MYO5B: variants seen among roughly 807,000 people sequenced by gnomAD.
MYO5B encodes myosin VB.
A neutral mutation model predicts 229.3 loss-of-function variants in MYO5B; 143 were observed. The ratio of observed to expected loss-of-function variants is 0.62; its 90% CI spans 0.54 to 0.72. MYO5B has a LOEUF of 0.72. Among genes scored for constraint, MYO5B ranks in the 30% least tolerant of loss-of-function variants. MYO5B has a pLI of 0.00. For missense variants in MYO5B, 2,321 were observed against 2,331.0 expected, an observed-to-expected ratio of 1.00 and a Z score of 0.09; for synonymous variants, 918 against 885.2, an observed-to-expected ratio of 1.04 and a Z score of -0.66.
At chr18:49,927,757 A>C (rs1210473660) in intron 17 of MYO5B, among the ~76,000 whole-genome samples, 1 of 152,260 alleles carries the variant, frequency 6.6e-6, no homozygotes, top group Non-Finnish European at 1.5e-5. Context: ...AGATGGATCA[A>C]AGACTTAAAT....
At chr18:50,142,517 T>G (rs2144288586) in intron 1 of MYO5B, among the ~76,000 whole-genome samples, 1 of 152,302 alleles carries the variant, frequency 6.6e-6, no homozygotes, top group East Asian at 1.9e-4. Flanking sequence ...CTGAAGGGGA[T>G]CTGATTGGGA....
intron 4 of MYO5B, among the ~76,000 whole-genome samples, chr18:50,002,367 T>C (rs116719539): frequency 5.7e-4 from 86 of 152,142 alleles, no homozygotes; most frequent in African/African-American, 1.9e-3. Flanking sequence ...CTACATCAGA[T>C]AGAAACACCT....
At chr18:50,070,367 A>G (rs573669774) in intron 1 of MYO5B, among the ~76,000 whole-genome samples, 1 of 151,202 alleles carries the variant, frequency 6.6e-6, no homozygotes, top group African/African-American at 2.4e-5. Flanking sequence ...ATTTGTTCCC[A>G]CTCCAACTGA....
chr18:49,942,063 C>T (rs1463774227), intron 14 of MYO5B, among the ~76,000 whole-genome samples: 1 of 129,586 alleles, frequency 7.7e-6, no homozygotes, highest in Non-Finnish European at 1.7e-5. Context: ...CTTTGACAAA[C>T]CTGACAAAAA....
intron 1 of MYO5B, among the ~76,000 whole-genome samples, chr18:50,144,391 G>T (rs1665291345): frequency 6.6e-6 from 1 of 152,082 alleles, no homozygotes; most frequent in Non-Finnish European, 1.5e-5. Context: ...AGGAGGGGTT[G>T]GTCTGCCTCC....
chr18:50,093,227 GAGAGGC>G (rs2031486326), intron 1 of MYO5B, among the ~76,000 whole-genome samples: 1 of 147,068 alleles, frequency 6.8e-6, no homozygotes, highest in Non-Finnish European at 1.5e-5. Flanking sequence ...CACACACACA[GAGAGGC>G]ACACACACAC....
chr18:50,161,367 G>T (rs1318147676), intron 1 of MYO5B, among the ~76,000 whole-genome samples: 1 of 152,166 alleles, frequency 6.6e-6, no homozygotes, highest in East Asian at 1.9e-4. Context: ...CTGGACAACA[G>T]GGCGAGACTG....
chr18:49,995,442 G>T lies in MYO5B; in HGVS notation c.613-3011C>A, dbSNP rs1473748109. On this transcript the variant is annotated intron_variant, in intron 5 of 39. Transcript: ENST00000285039. ...GATAATTTTTTTTGTATTTTTTTTT[G>T]TAGAGACAGGGTTTCACCGTGTTAG... Among the ~76,000 whole-genome samples, 6 of 125,866 alleles carry T rather than the reference G, an allele frequency of 4.8e-5. No individual in the cohort carries two copies. The East Asian group carries it at 9.6e-4, about 20-fold the overall frequency. The allele number at this position is 125,866 out of a possible 152,430, so 82.6% of individuals were successfully genotyped here. A position where few individuals can be genotyped will look rare whatever the true frequency, so the allele number is the denominator to read the frequency against.
intron 1 of MYO5B, among the ~76,000 whole-genome samples, chr18:50,094,347 ACT>A (rs1466719955): frequency 8.5e-5 from 13 of 152,178 alleles, no homozygotes; most frequent in Admixed American, 6.5e-4. Flanking sequence ...GAGCAGTGTA[ACT>A]CTGAGCAGGT....
intron 14 of MYO5B, among the ~76,000 whole-genome samples, chr18:49,947,113 T>A (rs2025383007): frequency 6.8e-6 from 1 of 147,886 alleles, no homozygotes; most frequent in Non-Finnish European, 1.5e-5. Context: ...TTTTTTTTTT[T>A]TTTTTTTTTT....
At chr18:50,158,694 T>C (rs1158921875) in intron 1 of MYO5B, among the ~76,000 whole-genome samples, 1 of 152,192 alleles carries the variant, frequency 6.6e-6, no homozygotes, top group Non-Finnish European at 1.5e-5. Flanking sequence ...TTTTCCAAAG[T>C]CAGAGTCCAT....
intron 4 of MYO5B, among the ~76,000 whole-genome samples, chr18:50,003,946 C>T (rs939324431): frequency 2.6e-5 from 4 of 152,264 alleles, no homozygotes; most frequent in South Asian, 2.1e-4. Context: ...CAGGCTCCTG[C>T]GTCAACACAG....
chr18:49,930,206 C>G (rs2025174374), intron 16 of MYO5B, among the ~76,000 whole-genome samples: 1 of 152,188 alleles, frequency 6.6e-6, no homozygotes, highest in East Asian at 1.9e-4. Context: ...GTAATGGTCC[C>G]TGAAAGCAGG....
At chr18:49,974,292 G>A in intron 10 of MYO5B, 58 bp downstream of exon 10, 1 of 1,611,216 alleles carries the variant, frequency 6.2e-7, no homozygotes, top group Non-Finnish European at 8.5e-7. Flanking sequence ...TGGCTGTAAA[G>A]TATGAGCAGG....
chr18:50,039,337 T>C (rs567890370), intron 3 of MYO5B, among the ~76,000 whole-genome samples: 136 of 152,294 alleles, frequency 8.9e-4, no homozygotes, highest in African/African-American at 3.2e-3. Flanking sequence ...TTTTGTTTTG[T>C]TTTGTTTTTT....
chr18:50,052,801 T>C (rs116903530), intron 2 of MYO5B, among the ~76,000 whole-genome samples: 4,118 of 152,144 alleles, frequency 0.027, 73 homozygotes, highest in Non-Finnish European at 0.042. Flanking sequence ...GTGAAAAAAC[T>C]TTTTAGAGGC....
chr18:50,159,933 G>C (rs540557181), intron 1 of MYO5B, among the ~76,000 whole-genome samples: 17 of 152,302 alleles, frequency 1.1e-4, no homozygotes, highest in Admixed American at 1.1e-3. Flanking sequence ...CTCCCTTGCA[G>C]AACAGGCACA....
intron 1 of MYO5B, among the ~76,000 whole-genome samples, chr18:50,063,376 C>G (rs953433085): frequency 6.6e-6 from 1 of 152,184 alleles, no homozygotes; most frequent in Non-Finnish European, 1.5e-5. Context: ...CCAGAGCCAC[C>G]TAAGTAACTA....
rs920068425 is a variant in MYO5B at position 49,937,346 on chromosome 18, T to C, written c.1804A>G (p.Thr602Ala). The C allele has an allele frequency of 4.3e-6, 7 of 1,614,128 alleles. No individual in the cohort carries two copies. Among genetic ancestry groups the C allele is most frequent in the Non-Finnish European group, 5.9e-6 (7 of 1,179,980 alleles). ...GAAGATGACCCCTTCCCAGGGGTGGTGGCAGGAACAGGGTCCTTGTCATCA... is the reference window on the plus strand; with the variant it reads ...GAAGATGACCCCTTCCCAGGGGTGGCGGCAGGAACAGGGTCCTTGTCATCA... ...FHDDKDPVPA[T>A]TPGKGSSSKI... Residue 602 changes from threonine (T) to alanine (A), a missense_variant, in exon 15 of 40, where the codon ACC (threonine) becomes GCC (alanine). Thr to Ala is a moderately conservative substitution (Grantham distance 58). Around this residue, in one of 2 missense-constraint regions of MYO5B, gnomAD observed 2,113 missense variants for 2,044.7 expected, o/e 1.03. Coordinates refer to ENST00000285039, the MANE Select transcript of MYO5B (RefSeq NM_001080467.3).
Sources: allele counts gnomAD v4.1 joint callset (sites outside exome capture counted in the v4.1 genomes callset), GRCh38; gene constraint gnomAD v4.1.1; regional missense constraint gnomAD v4.1.1; transcripts MANE v1.5; gene names NCBI Gene and HGNC (gene_info 2026-07-23, HGNC 2026-07-21).